AR: variants seen among roughly 807,000 people sequenced by gnomAD.
The protein encoded by AR is dihydrotestosterone receptor.
AR carries 8 observed loss-of-function variants against 53.9 expected under a neutral mutation model. That is an observed-to-expected ratio of 0.15 (90% CI 0.09 to 0.27). The LOEUF is 0.27. Ranked by LOEUF, AR falls within the 10% of genes least tolerant of loss-of-function variation. The probability of loss-of-function intolerance (pLI) is 1.00; values close to 1 mark genes in which losing one functional copy is unlikely to be tolerated. For synonymous variants in AR, 359 were observed against 316.4 expected, an observed-to-expected ratio of 1.13 and a Z score of -1.43; for missense variants, 639 against 742.5, an observed-to-expected ratio of 0.86 and a Z score of 1.62.
At chrX:67,555,779 G>A (rs967732308) in intron 1 of AR, among the ~76,000 whole-genome samples, 6 of 112,172 alleles carry the variant, frequency 5.3e-5, no homozygotes, top group Non-Finnish European at 9.4e-5. Context: ...CCCGCTATTT[G>A]GCCGCTAGGG....
chrX:67,588,977 C>CT (rs1052903799), intron 1 of AR, among the ~76,000 whole-genome samples: 1 of 112,758 alleles, frequency 8.9e-6, no homozygotes, highest in African/African-American at 3.2e-5. Context: ...TCAAATTTGT[C>CT]TTTCTTATTT....
chrX:67,680,178 G>A (rs918897690), intron 2 of AR, among the ~76,000 whole-genome samples: 1 of 111,572 alleles, frequency 9.0e-6, no homozygotes, highest in African/African-American at 3.3e-5. Flanking sequence ...CACTGAATTG[G>A]AATGGCATAT....
chrX:67,650,658 C>G (rs938316956), intron 2 of AR, among the ~76,000 whole-genome samples: 1 of 112,455 alleles, frequency 8.9e-6, no homozygotes, highest in Non-Finnish European at 1.9e-5. Flanking sequence ...TGTTCCTTCC[C>G]TGTCTCTTCA....
At chrX:67,709,981 T>A (rs776699281) in intron 3 of AR, among the ~76,000 whole-genome samples, 1 of 111,694 alleles carries the variant, frequency 9.0e-6, no homozygotes, top group East Asian at 2.8e-4. Flanking sequence ...ATTTTCTCAT[T>A]TCCAGTGATA....
intron 2 of AR, among the ~76,000 whole-genome samples, chrX:67,663,835 T>G (rs1354384658): frequency 8.9e-6 from 1 of 111,906 alleles, no homozygotes; most frequent in African/African-American, 3.3e-5. Context: ...TTTTTATTCT[T>G]TTTCCTCTGA....
At position 67,663,707 on chromosome X, in the gene AR, T is replaced by A. The variant is rs771467541; in HGVS notation, c.1768+20300T>A. Among the ~76,000 whole-genome samples, 85 of 112,530 alleles carry A rather than the reference T, an allele frequency of 7.6e-4. No homozygotes were observed. In the South Asian group the frequency reaches 0.03, roughly 40 times the overall value. On this transcript the variant is annotated intron_variant, in intron 2 of 7. Coordinates refer to ENST00000374690, the MANE Select transcript of AR (RefSeq NM_000044.6). ...ATTGGGGAAGTTGTCCTGGATAATA[T>A]CCTACAGAGTGTTTTCCAACTTGGT...
intron 1 of AR, among the ~76,000 whole-genome samples, chrX:67,624,407 A>G (rs1206139261): frequency 7.1e-5 from 8 of 111,940 alleles, no homozygotes; most frequent in Admixed American, 5.7e-4. Context: ...CACAAAGAAA[A>G]GCCCAGGTTC....
intron 3 of AR, 95 bp from the exon 4 acceptor site, chrX:67,711,307 A>G (rs1048594153): frequency 1.0e-6 from 1 of 974,919 alleles, no homozygotes; most frequent in South Asian, 2.1e-5. Flanking sequence ...GAGAATGGTG[A>G]TTTTCTTAGC....
chrX:67,616,789 G>T (rs1485802253), intron 1 of AR, among the ~76,000 whole-genome samples: 4 of 111,045 alleles, frequency 3.6e-5, no homozygotes, highest in Non-Finnish European at 5.7e-5. Flanking sequence ...AGGCACAGGG[G>T]ATAAAACTGT....
intron 4 of AR, among the ~76,000 whole-genome samples, chrX:67,713,975 T>A (rs2076103341): frequency 8.9e-6 from 1 of 112,591 alleles, no homozygotes; most frequent in Non-Finnish European, 1.9e-5. Flanking sequence ...AATTTGCTAA[T>A]TCAATAGATT....
chrX:67,650,462 T>C (rs1209360349), intron 2 of AR, among the ~76,000 whole-genome samples: 1 of 112,020 alleles, frequency 8.9e-6, no homozygotes, highest in Non-Finnish European at 1.9e-5. Flanking sequence ...AGGATAAGAG[T>C]TAGACTCACT....
At position 67,686,553 on chromosome X, in the gene AR, C is replaced by T. The variant is rs762383839; in HGVS notation, c.1885+427C>T. 8.1e-5 allele frequency among the ~76,000 whole-genome samples: 9 copies of T among 111,207 alleles called. 1 individual carries two copies. The South Asian group carries it at 3.5e-3, about 43-fold the overall frequency. On this transcript the variant is annotated intron_variant, in intron 3 of 7. Coordinates refer to ENST00000374690, the MANE Select transcript of AR (RefSeq NM_000044.6). Reference sequence around the variant, plus strand: ...AGGATGACCCAGGCACAGGCTGATCCTGAACACCTGGGAATATCCCTTAGC... The same window carrying T: ...AGGATGACCCAGGCACAGGCTGATCTTGAACACCTGGGAATATCCCTTAGC...
chrX:67,569,960 G>A (rs1410355164), intron 1 of AR, among the ~76,000 whole-genome samples: 1 of 111,782 alleles, frequency 8.9e-6, no homozygotes, highest in Non-Finnish European at 1.9e-5. Flanking sequence ...TTCTCTGGGT[G>A]TATATCCCTC....
At chrX:67,624,750 T>A (rs920378840) in intron 1 of AR, among the ~76,000 whole-genome samples, 3 of 108,795 alleles carry the variant, frequency 2.8e-5, no homozygotes, top group Non-Finnish European at 5.7e-5. Context: ...TTCTTAACTT[T>A]GTAATGGACA....
At chrX:67,631,796 G>C (rs1272917424) in intron 1 of AR, among the ~76,000 whole-genome samples, 4 of 112,230 alleles carry the variant, frequency 3.6e-5, no homozygotes, top group Non-Finnish European at 7.5e-5. Flanking sequence ...TTTGATGATG[G>C]TGATGTACAG....
Position 67,659,217 on chromosome X carries a change from TCTTA to T in AR, c.1768+15814_1768+15817del, listed in dbSNP as rs1474135948. Among the ~76,000 whole-genome samples, 3 of 110,808 alleles carry T rather than the reference TCTTA, an allele frequency of 2.7e-5. No individual in the cohort carries two copies. The East Asian group carries it at 8.6e-4, about 32-fold the overall frequency. ...CTTGTCCTCATTGAGACTCAATTTC[TCTTA>T]CTTTTTTTTTTATACTTTAAGTTTT... On this transcript the variant is annotated intron_variant, in intron 2 of 7. Coordinates refer to ENST00000374690, the MANE Select transcript of AR (RefSeq NM_000044.6).
intron 1 of AR, among the ~76,000 whole-genome samples, chrX:67,590,164 A>G (rs1426893260): frequency 4.5e-5 from 5 of 111,041 alleles, no homozygotes; most frequent in Non-Finnish European, 1.9e-5. Flanking sequence ...TGAAGCCAAG[A>G]GTTTGGTTTA....
At position 67,700,445 on chromosome X, in the gene AR, G is replaced by A. The variant is rs188972094; in HGVS notation, c.1886-10957G>A. ...GCCTCATTGTCCAGGATTCCAAGTCGTCTAGCAACATCCTGGTCTCTGCTG... is the reference window on the plus strand; with the variant it reads ...GCCTCATTGTCCAGGATTCCAAGTCATCTAGCAACATCCTGGTCTCTGCTG... On this transcript the variant is annotated intron_variant, in intron 3 of 7. Coordinates refer to ENST00000374690, the MANE Select transcript of AR (RefSeq NM_000044.6). Among the ~76,000 whole-genome samples the A allele has an allele frequency of 9.0e-3, 1,007 of 111,459 alleles. 30 individuals carry two copies. Among genetic ancestry groups the A allele is most frequent in the Admixed American group, 0.076 (791 of 10,437 alleles).
chrX:67,704,078 C>T (rs1396601265), intron 3 of AR, among the ~76,000 whole-genome samples: 1 of 111,974 alleles, frequency 8.9e-6, no homozygotes, highest in Non-Finnish European at 1.9e-5. Context: ...CAAGGCTTTG[C>T]TATTGTGAAT....
Sources: gnomAD v4.1 joint callset for allele counts (sites outside exome capture counted in the v4.1 genomes callset) on GRCh38, gnomAD v4.1.1 for gene constraint, MANE v1.5 for transcripts, NCBI Gene and HGNC (gene_info 2026-07-23, HGNC 2026-07-21) for gene names.